The following ARHGAP15 variants were observed in gnomAD, a reference collection of about 807,000 sequenced individuals.
ARHGAP15 encodes the protein Rho GTPase activating protein 15, also known as rho GTPase-activating protein 15.
ARHGAP15 carries 51 observed loss-of-function variants against 63.7 expected under a neutral mutation model. That is an observed-to-expected ratio of 0.80 (90% CI 0.64 to 1.01). ARHGAP15 has a LOEUF of 1.01. Ranked by LOEUF, ARHGAP15 falls within the 50% of genes least tolerant of loss-of-function variation. The pLI, the probability that ARHGAP15 is intolerant of heterozygous loss-of-function variation, is 0.00. For missense variants in ARHGAP15, 560 were observed against 564.6 expected (o/e 0.99, Z 0.08); for synonymous variants, 191 against 193.8 (o/e 0.99, Z 0.12).
chr2:143,256,097 A>G (rs981177345), intron 6 of ARHGAP15, among the ~76,000 whole-genome samples: 1 of 152,178 alleles, frequency 6.6e-6, no homozygotes, highest in African/African-American at 2.4e-5. Context: ...AAGAGATGAC[A>G]GTCCTCACCT....
chr2:143,549,362 C>A (rs1695463603), intron 10 of ARHGAP15, among the ~76,000 whole-genome samples: 1 of 152,054 alleles, frequency 6.6e-6, no homozygotes, highest in East Asian at 1.9e-4. Context: ...GTGCCATCAG[C>A]AGATGAGAAA....
chr2:143,593,747 C>A (rs1009985093), intron 11 of ARHGAP15, among the ~76,000 whole-genome samples: 6 of 152,186 alleles, frequency 3.9e-5, no homozygotes, highest in African/African-American at 1.2e-4. Context: ...TGAGTGCTAA[C>A]TTCTGCAGAG....
chr2:143,573,116 G>A (rs1696528600), intron 11 of ARHGAP15, among the ~76,000 whole-genome samples: 1 of 152,258 alleles, frequency 6.6e-6, no homozygotes, highest in African/African-American at 2.4e-5. Flanking sequence ...TCAAAAGTCT[G>A]TAACTGGTAT....
chr2:143,360,133 C>A (rs1270797821), intron 6 of ARHGAP15, among the ~76,000 whole-genome samples: 1 of 151,534 alleles, frequency 6.6e-6, no homozygotes, highest in Non-Finnish European at 1.5e-5. Flanking sequence ...AATCCCAGAA[C>A]TTTGGGAGAC....
At chr2:143,757,200 C>T (rs1278989067) in intron 13 of ARHGAP15, among the ~76,000 whole-genome samples, 1 of 151,986 alleles carries the variant, frequency 6.6e-6, no homozygotes, top group African/African-American at 2.4e-5. Context: ...ATTTAAACAG[C>T]AGAGTACTGA....
Position 143,330,110 on chromosome 2 carries a change from AAAAAAAAAAAAAAAAAAAAAACCAAAAAC to A in ARHGAP15, c.474+79517_474+79545del, listed in dbSNP as rs1281514936. Among the ~76,000 whole-genome samples the A allele has an allele frequency of 1.1e-3, 98 of 86,158 alleles. 3 individuals carry two copies. The highest frequency in any genetic ancestry group is 1.6e-3 in the Non-Finnish European group (68 of 42,562). 56.5% of individuals were successfully genotyped at this position (86,158 alleles called of 152,430 possible). ...GCTCTGTCTCAAAAAAAAAAAAAAA[AAAAAAAAAAAAAAAAAAAAAACCAAAAAC>A]AAAAAACTAAACTAATGATTAATAA... On this transcript the variant is annotated intron_variant, in intron 6 of 13. Transcript: ENST00000295095.
chr2:143,757,611 CA>C (rs993727567), intron 13 of ARHGAP15, among the ~76,000 whole-genome samples: 27 of 151,938 alleles, frequency 1.8e-4, no homozygotes, highest in Non-Finnish European at 3.5e-4. Flanking sequence ...GCAATCTGCA[CA>C]AAAAAGGCAG....
chr2:143,579,873 T>TTTTTTA (rs1305977969), intron 11 of ARHGAP15, among the ~76,000 whole-genome samples: 1 of 151,048 alleles, frequency 6.6e-6, no homozygotes, highest in Non-Finnish European at 1.5e-5. Flanking sequence ...TTTGTTTTAT[T>TTTTTTA]TTTTTATTTT....
intron 6 of ARHGAP15, among the ~76,000 whole-genome samples, chr2:143,367,835 A>G (rs1279241795): frequency 2.0e-5 from 3 of 152,010 alleles, no homozygotes; most frequent in Non-Finnish European, 4.4e-5. Flanking sequence ...TTGTACTGCA[A>G]TTTTCCGGCC....
intron 1 of ARHGAP15, among the ~76,000 whole-genome samples, chr2:143,137,149 G>T (rs1163384772): frequency 6.6e-6 from 1 of 151,920 alleles, no homozygotes; most frequent in African/African-American, 2.4e-5. Context: ...TCATTACTCT[G>T]CTTTTGTTTT....
At chr2:143,463,109 T>C (rs921893338) in intron 8 of ARHGAP15, among the ~76,000 whole-genome samples, 2 of 152,144 alleles carry the variant, frequency 1.3e-5, no homozygotes, top group East Asian at 3.9e-4. Context: ...CAACTATTGT[T>C]AGTGTTAGTG....
At chr2:143,737,819 C>T (rs952309806) in intron 13 of ARHGAP15, among the ~76,000 whole-genome samples, 11 of 151,974 alleles carry the variant, frequency 7.2e-5, no homozygotes, top group African/African-American at 2.2e-4. Context: ...TGCAATGGCA[C>T]GATCTCGGCT....
intron 6 of ARHGAP15, among the ~76,000 whole-genome samples, chr2:143,383,945 G>C (rs1365130591): frequency 6.6e-6 from 1 of 152,072 alleles, no homozygotes; most frequent in Non-Finnish European, 1.5e-5. Context: ...AACAGGTATT[G>C]GAGAGAAAAC....
chr2:143,766,374 G>A (rs1160824925), intron 13 of ARHGAP15, among the ~76,000 whole-genome samples: 1 of 152,126 alleles, frequency 6.6e-6, no homozygotes, highest in Non-Finnish European at 1.5e-5. Context: ...TCAGAGAGTA[G>A]CCTTCCTAGT....
chr2:143,729,075 A>G (rs992692709), intron 13 of ARHGAP15, among the ~76,000 whole-genome samples: 6 of 152,236 alleles, frequency 3.9e-5, no homozygotes, highest in African/African-American at 1.2e-4. Context: ...GTGCATGCAT[A>G]GCAAGAAAAA....
In ARHGAP15 at chr2:143,334,218, A is replaced by T. The variant is rs540001985; in HGVS notation, c.474+83618A>T. 2.0e-5 allele frequency among the ~76,000 whole-genome samples: 3 copies of T among 152,308 alleles called. No individual in the cohort carries two copies. In the East Asian group the frequency reaches 5.8e-4, roughly 29 times the overall value. Reference sequence around the variant, plus strand: ...AAAACCAACAATCACAGATCTCTCTAATTTTTCTTAAGCTGGTAAAAATAA... The same window carrying T: ...AAAACCAACAATCACAGATCTCTCTTATTTTTCTTAAGCTGGTAAAAATAA... On this transcript the variant is annotated intron_variant, in intron 6 of 13. Transcript: ENST00000295095.
intron 6 of ARHGAP15, among the ~76,000 whole-genome samples, chr2:143,433,778 T>C (rs1689487221): frequency 6.6e-6 from 1 of 152,236 alleles, no homozygotes; most frequent in Non-Finnish European, 1.5e-5. Context: ...TTATTTATAC[T>C]GGCAGAGAAA....
At chr2:143,373,788 A>G (rs1431200395) in intron 6 of ARHGAP15, among the ~76,000 whole-genome samples, 1 of 152,150 alleles carries the variant, frequency 6.6e-6, no homozygotes, top group Non-Finnish European at 1.5e-5. Flanking sequence ...GAGGAGACAT[A>G]TAGTACCTAG....
At chr2:143,380,588 A>C (rs940866667) in intron 6 of ARHGAP15, among the ~76,000 whole-genome samples, 3 of 152,118 alleles carry the variant, frequency 2.0e-5, no homozygotes, top group Non-Finnish European at 4.4e-5. Context: ...GTAGAAACAG[A>C]TTTGATCCAA....
Sources: gnomAD v4.1 joint callset for allele counts (sites outside exome capture counted in the v4.1 genomes callset) on GRCh38, gnomAD v4.1.1 for gene constraint, MANE v1.5 for transcripts, NCBI Gene and HGNC (gene_info 2026-07-23, HGNC 2026-07-21) for gene names.